ATP13A4: variants seen among roughly 807,000 people sequenced by gnomAD.
ATP13A4 encodes the protein ATPase 13A4, also known as probable cation-transporting ATPase 13A4.
Under a neutral mutation model 142.5 loss-of-function variants are expected in ATP13A4, and 114 were observed. That is an observed-to-expected ratio of 0.80 (90% CI 0.69 to 0.93). The LOEUF (loss-of-function observed/expected upper bound fraction) is 0.93. Among genes scored for constraint, ATP13A4 ranks in the 40% least tolerant of loss-of-function variants. ATP13A4 has a pLI of 0.00. For missense variants in ATP13A4, 1,392 were observed against 1,454.0 expected (o/e 0.96, Z 0.69); for synonymous variants, 488 against 514.8 (o/e 0.95, Z 0.70).
chr3:193,412,135 C>G, intron 27 of ATP13A4, 43 bp downstream of exon 27: 1 of 1,529,974 alleles, frequency 6.5e-7, no homozygotes, highest in Non-Finnish European at 9.1e-7. Context: ...CTGTTCCCCT[C>G]TCTGATGACT....
chr3:193,408,287 T>G (rs750562570), intron 28 of ATP13A4, among the ~76,000 whole-genome samples: 63 of 152,256 alleles, frequency 4.1e-4, no homozygotes, highest in Admixed American at 6.5e-4. Context: ...TAAAATGATA[T>G]ATGCACAATA....
intron 1 of ATP13A4, among the ~76,000 whole-genome samples, chr3:193,589,959 C>CA (rs35624117): frequency 0.19 from 15,531 of 83,662 alleles, 1,104 homozygotes; most frequent in East Asian, 0.37. Flanking sequence ...GTTCTTTTGC[C>CA]AAAAAAAAAA....
intron 8 of ATP13A4, among the ~76,000 whole-genome samples, chr3:193,481,692 C>A (rs1719305532): frequency 6.6e-6 from 1 of 152,156 alleles, no homozygotes; most frequent in Non-Finnish European, 1.5e-5. Context: ...ATGACTTTAA[C>A]AGAGAGATCA....
chr3:193,555,827 A>G (rs1281369798), upstream of ATP13A4, among the ~76,000 whole-genome samples: 1 of 152,228 alleles, frequency 6.6e-6, no homozygotes, highest in African/African-American at 2.4e-5. Context: ...TAGCTCTGGC[A>G]AAATACCTGT....
chr3:193,472,371 C>T (rs762243228), intron 8 of ATP13A4, among the ~76,000 whole-genome samples: 1 of 152,154 alleles, frequency 6.6e-6, no homozygotes, highest in Non-Finnish European at 1.5e-5. Context: ...GTTGCAGTAC[C>T]CCTGTGCTTG....
chr3:193,467,583 T>C lies in ATP13A4; in HGVS notation c.944-97A>G, dbSNP rs1718377735. The C allele has an allele frequency of 3.1e-6, 4 of 1,289,664 alleles. No homozygotes were observed. In the South Asian group the frequency reaches 3.6e-5, roughly 12 times the overall value. 79.9% of individuals were successfully genotyped at this position (1,289,664 alleles called of 1,614,324 possible). On this transcript the variant is annotated intron_variant, in intron 9 of 29. Coordinates refer to ENST00000342695, the MANE Select transcript of ATP13A4 (RefSeq NM_032279.4). ...CATCATACAACAGACATTTTTTTTG[T>C]GAGCCTACCATGTGGCAGAGACAAC...
chr3:193,593,000 T>C, intron 1 of ATP13A4: 1 of 250,928 alleles, frequency 4.0e-6, no homozygotes, highest in Non-Finnish European at 7.6e-6. Context: ...TCTCGCTCCC[T>C]CCCCTGGCCA....
chr3:193,505,861 T>G (rs1490949917), intron 2 of ATP13A4, among the ~76,000 whole-genome samples: 1 of 152,228 alleles, frequency 6.6e-6, no homozygotes, highest in Non-Finnish European at 1.5e-5. Context: ...AGCACAGGCT[T>G]GAGGCCTGAA....
intron 16 of ATP13A4, among the ~76,000 whole-genome samples, chr3:193,456,645 G>A: frequency 6.6e-6 from 1 of 152,098 alleles, no homozygotes; most frequent in East Asian, 1.9e-4. Flanking sequence ...GGAGGCAGAG[G>A]GTCAATCCAC....
At position 193,588,261 on chromosome 3, in the gene ATP13A4, G is replaced by A. The variant is rs190068746; in HGVS notation, n.91+4760C>T. 1.9e-3 allele frequency among the ~76,000 whole-genome samples: 285 copies of A among 152,186 alleles called. 1 individual carries two copies. The highest frequency in any genetic ancestry group is 2.3e-3 in the Admixed American group (35 of 15,292). On this transcript the variant is annotated intron_variant and non_coding_transcript_variant, in intron 1 of 3. Coordinates refer to the ATP13A4 transcript ENST00000489140. ...CTTCACCTTTATAAAGACAACTCTC[G>A]AATCTGTATTGCAAGCCCCATCTCC...
In ATP13A4 at chr3:193,442,489, G is replaced by C. The variant is rs1410720329; in HGVS notation, c.2220C>G (p.Val740=). The C allele has an allele frequency of 1.5e-5, 25 of 1,613,872 alleles. No individual in the cohort carries two copies. Among genetic ancestry groups the C allele is most frequent in the Non-Finnish European group, 2.1e-5 (25 of 1,179,868 alleles). The change falls in exon 19 of 30, where the codon GTC becomes GTG. Residue 740 remains valine (V), a synonymous_variant. Coordinates refer to ENST00000342695, the MANE Select transcript of ATP13A4 (RefSeq NM_032279.4). ...TGGTTTCATTTGCCTCAATGAGAAT[G>C]ACTTTCTGGCTTTCAGAAACCATTC... is the stretch of plus-strand genomic sequence containing the variant. The part of the protein sequence containing the change: ...KSGMVSESQK[V]ILIEANETTG...
chr3:193,432,544 G>C (rs1177325210), intron 25 of ATP13A4, among the ~76,000 whole-genome samples: 1 of 151,994 alleles, frequency 6.6e-6, no homozygotes, highest in Non-Finnish European at 1.5e-5. Flanking sequence ...ACAGACAATG[G>C]AGTATTATTC....
chr3:193,457,691 A>T (rs1717714458), intron 14 of ATP13A4, among the ~76,000 whole-genome samples: 1 of 152,224 alleles, frequency 6.6e-6, no homozygotes, highest in African/African-American at 2.4e-5. Flanking sequence ...CATGCAATTT[A>T]TCTTGTTTTC....
intron 1 of ATP13A4, among the ~76,000 whole-genome samples, chr3:193,527,731 C>T (rs1560258820): frequency 6.6e-6 from 1 of 152,108 alleles, no homozygotes; most frequent in Non-Finnish European, 1.5e-5. Context: ...GCCTCCCCAG[C>T]CATGTGGAGC....
chr3:193,538,115 G>A (rs1474810349), intron 1 of ATP13A4, among the ~76,000 whole-genome samples: 1 of 152,034 alleles, frequency 6.6e-6, no homozygotes, highest in Non-Finnish European at 1.5e-5. Flanking sequence ...CTGGGTAAAG[G>A]GTACTCAGAA....
At chr3:193,523,740 G>A (rs1477191392) in intron 1 of ATP13A4, among the ~76,000 whole-genome samples, 2 of 152,156 alleles carry the variant, frequency 1.3e-5, no homozygotes, top group East Asian at 1.9e-4. Flanking sequence ...TTCGGATGTG[G>A]TTTGGATGTG....
At chr3:193,544,944 A>G (rs1175116991) in intron 1 of ATP13A4, among the ~76,000 whole-genome samples, 4 of 152,172 alleles carry the variant, frequency 2.6e-5, no homozygotes, top group African/African-American at 9.7e-5. Context: ...ATAGTTTCTC[A>G]GTGCCTCCTT....
chr3:193,559,461 A>T (rs1396924741), upstream of ATP13A4, among the ~76,000 whole-genome samples: 1 of 152,210 alleles, frequency 6.6e-6, no homozygotes, highest in Non-Finnish European at 1.5e-5. Flanking sequence ...CTTTACCTTT[A>T]GTATTAATTA....
At chr3:193,412,076 C>T (rs1714791620) in intron 27 of ATP13A4, 102 bp downstream of exon 27, 1 of 1,027,216 alleles carries the variant, frequency 9.7e-7, no homozygotes, top group Admixed American at 1.8e-5. Flanking sequence ...TCAAGAGATG[C>T]TAGATAAGAA....
Sources: allele counts gnomAD v4.1 joint callset (sites outside exome capture counted in the v4.1 genomes callset), GRCh38; gene constraint gnomAD v4.1.1; transcripts MANE v1.5; gene names NCBI Gene and HGNC (gene_info 2026-07-23, HGNC 2026-07-21).